GRK5: variants seen among roughly 807,000 people sequenced by gnomAD.
GRK5 encodes the protein G protein-coupled receptor kinase 5, also known as g protein-coupled receptor kinase GRK5.
In GRK5, 40 loss-of-function variants were observed where a neutral mutation model predicts 78.4. The observed-to-expected ratio is 0.51, with a 90% CI of 0.40 to 0.66. GRK5 has a LOEUF of 0.66. Ranked by LOEUF, GRK5 falls within the 30% of genes least tolerant of loss-of-function variation. The pLI is 0.00. For synonymous variants in GRK5, 289 were observed against 296.8 expected (o/e 0.97, Z 0.27); for missense variants, 598 against 759.9 (o/e 0.79, Z 2.50).
In GRK5 at chr10:119,243,476, G is replaced by A. The variant is rs57714370; in HGVS notation, c.52+35507G>A. 9.6e-3 allele frequency among the ~76,000 whole-genome samples: 1,453 copies of A among 152,060 alleles called. 20 individuals carry two copies. The highest frequency in any genetic ancestry group is 0.032 in the African/African-American group (1,341 of 41,460). Reference sequence around the variant, plus strand: ...TGATAGCAACTCAAATATAATTAGTGTATACAAAAAAGAGAATTTATGGAT... The same window carrying A: ...TGATAGCAACTCAAATATAATTAGTATATACAAAAAAGAGAATTTATGGAT... On this transcript the variant is annotated intron_variant, in intron 1 of 15. Transcript: ENST00000392870.
chr10:119,222,295 T>A (rs1004241640), intron 1 of GRK5, among the ~76,000 whole-genome samples: 3 of 142,390 alleles, frequency 2.1e-5, no homozygotes, highest in Admixed American at 1.5e-4. Flanking sequence ...ATTGTTCCCA[T>A]CCTAAAGCTG....
chr10:119,313,976 G>A (rs1016569457), intron 1 of GRK5, among the ~76,000 whole-genome samples: 30 of 152,342 alleles, frequency 2.0e-4, no homozygotes, highest in African/African-American at 6.7e-4. Context: ...CAGATGCCCC[G>A]GGCCGCCCCA....
chr10:119,357,358 T>C (rs1851279840), intron 2 of GRK5, among the ~76,000 whole-genome samples: 2 of 152,220 alleles, frequency 1.3e-5, no homozygotes, highest in South Asian at 4.1e-4. Context: ...TCTGCAGTTC[T>C]GTTCCCAGGG....
At chr10:119,420,850 G>A (rs189033776) in intron 4 of GRK5, among the ~76,000 whole-genome samples, 3 of 152,260 alleles carry the variant, frequency 2.0e-5, no homozygotes, top group East Asian at 3.9e-4. Context: ...CAAAGTGCTG[G>A]CATTACAGGC....
intron 5 of GRK5, 111 bp from the exon 6 acceptor site, chr10:119,424,882 A>G (rs150258680): frequency 2.4e-5 from 18 of 762,678 alleles, no homozygotes; most frequent in African/African-American, 1.7e-4. Flanking sequence ...CTGCATCTGC[A>G]TGGGTTGAGA....
At chr10:119,308,464 C>T (rs1371776869) in intron 1 of GRK5, among the ~76,000 whole-genome samples, 1 of 152,212 alleles carries the variant, frequency 6.6e-6, no homozygotes, top group Non-Finnish European at 1.5e-5. Context: ...CGTGTGCCCC[C>T]TCAGAATCCT....
chr10:119,273,025 C>A (rs950368087), intron 1 of GRK5, among the ~76,000 whole-genome samples: 2 of 152,182 alleles, frequency 1.3e-5, no homozygotes, highest in African/African-American at 4.8e-5. Context: ...TTCTAGGATT[C>A]TTTTACGGAA....
chr10:119,401,291 A>G (rs531123994), intron 4 of GRK5, among the ~76,000 whole-genome samples: 61 of 151,998 alleles, frequency 4.0e-4, no homozygotes, highest in African/African-American at 1.5e-3. Flanking sequence ...CGCCCTACAA[A>G]CCCGTGCCTG....
At position 119,412,996 on chromosome 10, in the gene GRK5, C is replaced by T. The variant is rs116266045; in HGVS notation, c.340-10170C>T. On this transcript the variant is annotated intron_variant, in intron 4 of 15. Coordinates refer to ENST00000392870, the MANE Select transcript of GRK5 (RefSeq NM_005308.3). This position sits in a 1 kb window ranked among gnomAD's most constrained non-coding sequence, Gnocchi z 4.3. ...GCCTCCTGCTCACCTGGCCTAAGCC[C>T]CTGATTTTACAGATGGTGAATTCGT... Among the ~76,000 whole-genome samples, 1,114 of 152,270 alleles carry T rather than the reference C, an allele frequency of 7.3e-3. 13 individuals are homozygous for T. The highest frequency in any genetic ancestry group is 0.026 in the African/African-American group (1,085 of 41,546).
At chr10:119,394,150 GTGTC>G (rs546923413) in intron 3 of GRK5, among the ~76,000 whole-genome samples, 260 of 87,570 alleles carry the variant, frequency 3.0e-3, no homozygotes, top group African/African-American at 8.7e-3. Flanking sequence ...GTGGGTATGT[GTGTC>G]TGTGTGTGGG....
Position 119,326,608 on chromosome 10 carries a change from A to T in GRK5, c.145A>T (p.Ile49Leu), listed in dbSNP as rs747058699. The T allele has an allele frequency of 5.0e-6, 8 of 1,611,404 alleles. No homozygotes were observed. The East Asian group carries it at 1.6e-4, about 31-fold the overall frequency. The stretch of plus-strand genomic sequence containing the variant: ...CCAGTGTGAAGACCTCCGAAGGACC[A>T]TAGGTAAGCTGTCCTGCCTGGGGGC... ...ISQCEDLRRT[I>L]DRDYCSLCDK... The change falls in exon 2 of 16, where the codon ATA (isoleucine) becomes TTA (leucine). Residue 49 changes from isoleucine to leucine, a missense_variant. By Grantham distance (5) the Ile-to-Leu change is conservative (BLOSUM62 2). Coordinates refer to ENST00000392870, the MANE Select transcript of GRK5 (RefSeq NM_005308.3).
At chr10:119,247,389 C>T (rs1451330603) in intron 1 of GRK5, among the ~76,000 whole-genome samples, 1 of 152,200 alleles carries the variant, frequency 6.6e-6, no homozygotes, top group Non-Finnish European at 1.5e-5. Context: ...CCCCCTTCAG[C>T]TATGTTCATG....
At chr10:119,211,965 C>G (rs1483981584) in intron 1 of GRK5, among the ~76,000 whole-genome samples, 1 of 152,236 alleles carries the variant, frequency 6.6e-6, no homozygotes, top group Admixed American at 6.5e-5. Flanking sequence ...TGGAACATCT[C>G]TGAAGCTCAA....
intron 1 of GRK5, among the ~76,000 whole-genome samples, chr10:119,234,966 C>A (rs578065545): frequency 6.6e-6 from 1 of 151,584 alleles, no homozygotes; most frequent in South Asian, 2.1e-4. Context: ...TGAGCTACCA[C>A]GCCCGGCCTA....
rs78707502 is a variant in GRK5 at position 119,321,413 on chromosome 10, G to A, written c.53-5103G>A. On this transcript the variant is annotated intron_variant, in intron 1 of 15. Coordinates refer to ENST00000392870, the MANE Select transcript of GRK5 (RefSeq NM_005308.3). ...GTGAGTTAAAGTCAAGGCATCAGCA[G>A]GGCTGTGTTCCCTCTGGGGGCTCCG... is the stretch of plus-strand genomic sequence containing the variant. 9.9e-3 allele frequency among the ~76,000 whole-genome samples: 1,502 copies of A among 152,266 alleles called. 23 individuals carry two copies. The highest frequency in any genetic ancestry group is 0.074 in the South Asian group (356 of 4,822).
At chr10:119,421,657 T>C (rs528885879) in intron 4 of GRK5, among the ~76,000 whole-genome samples, 135 of 152,342 alleles carry the variant, frequency 8.9e-4, no homozygotes, top group African/African-American at 2.9e-3. Flanking sequence ...GCTCTGAGAC[T>C]GCTGTTTGGT....
Position 119,207,941 on chromosome 10 carries a change from C to T in GRK5, c.24C>T (p.Ala8=), listed in dbSNP as rs761833081. The T allele has an allele frequency of 3.7e-6, 6 of 1,604,582 alleles. No individual in the cohort carries two copies. The highest frequency in any genetic ancestry group is 2.3e-5 in the East Asian group (1 of 43,936). Reference sequence around the variant, plus strand: ...CAATGGAGCTGGAAAACATCGTGGCCAACACGGTCTTGCTGAAAGCCAGGG... The same window carrying T: ...CAATGGAGCTGGAAAACATCGTGGCTAACACGGTCTTGCTGAAAGCCAGGG... The part of the protein sequence containing the change: MELENIV[A]NTVLLKAREG... Residue 8 remains alanine, a synonymous_variant, in exon 1 of 16, where the codon GCC becomes GCT. Coordinates refer to ENST00000392870, the MANE Select transcript of GRK5 (RefSeq NM_005308.3).
At chr10:119,406,628 C>T (rs1852245009) in intron 4 of GRK5, 1 of 253,244 alleles carries the variant, frequency 3.9e-6, no homozygotes, top group Non-Finnish European at 6.2e-6. Context: ...GCTCAGACTC[C>T]ACCTTCACTT....
intron 2 of GRK5, chr10:119,333,762 C>T (rs1374334504): frequency 1.9e-6 from 1 of 532,610 alleles, no homozygotes; most frequent in Non-Finnish European, 3.8e-6. Flanking sequence ...ACATGCTGTC[C>T]ACGGGGGAGC....
Sources: allele counts gnomAD v4.1 joint callset (sites outside exome capture counted in the v4.1 genomes callset), GRCh38; gene constraint gnomAD v4.1.1; non-coding constraint Gnocchi (gnomAD v3.1); transcripts MANE v1.5; gene names NCBI Gene and HGNC (gene_info 2026-07-23, HGNC 2026-07-21).